ANKS3: variants seen among roughly 807,000 people sequenced by gnomAD.
ANKS3 encodes ankyrin repeat and SAM domain-containing protein 3.
A neutral mutation model predicts 80.7 loss-of-function variants in ANKS3; 62 were observed. The observed-to-expected ratio is 0.77, with a 90% CI of 0.63 to 0.95. The LOEUF (loss-of-function observed/expected upper bound fraction) is 0.95, where lower values mean the gene tolerates loss of function less well. ANKS3 is among the 40% of genes least tolerant of loss of function. ANKS3 has a pLI of 0.00. For synonymous variants in ANKS3, 489 were observed against 355.3 expected, an observed-to-expected ratio of 1.38 and a Z score of -4.23; for missense variants, 1,150 against 883.6, an observed-to-expected ratio of 1.30 and a Z score of -3.82.
chr16:4,733,614 C>G (rs1362101510), intron 1 of ANKS3, among the ~76,000 whole-genome samples: 1 of 152,102 alleles, frequency 6.6e-6, no homozygotes, highest in Non-Finnish European at 1.5e-5. Flanking sequence ...AAAAATAATT[C>G]AAAGAGTATA....
intron 6 of ANKS3, among the ~76,000 whole-genome samples, chr16:4,714,872 G>C (rs2080703329): frequency 6.6e-6 from 1 of 150,982 alleles, no homozygotes; most frequent in Non-Finnish European, 1.5e-5. Flanking sequence ...AACGCCTATA[G>C]TCTCAGCTAC....
At chr16:4,730,600 C>G (rs2081566222) in intron 2 of ANKS3, among the ~76,000 whole-genome samples, 1 of 152,184 alleles carries the variant, frequency 6.6e-6, no homozygotes, top group Admixed American at 6.5e-5. Flanking sequence ...GGTGCGGTGG[C>G]TCACACCTGT....
intron 6 of ANKS3, chr16:4,714,403 G>C: frequency 1.6e-6 from 1 of 636,120 alleles, no homozygotes; most frequent in Non-Finnish European, 2.6e-6. Flanking sequence ...GAGGAGGGCT[G>C]GGGGCTGGGG....
rs529836828 is a variant in ANKS3, at chr16:4,718,870, T to C, written c.574-4684A>G. 2.6e-5 allele frequency among the ~76,000 whole-genome samples: 4 copies of C among 152,316 alleles called. No individual in the cohort carries two copies. The South Asian group carries it at 8.3e-4, about 32-fold the overall frequency. ...CTGGGAAAGAGAACATTTTTGCTTT[T>C]AGGAAATACATAATGAAATTCTTAC... On this transcript the variant is annotated intron_variant, in intron 6 of 17. Transcript: ENST00000304283.
intron 6 of ANKS3, among the ~76,000 whole-genome samples, chr16:4,723,003 C>T (rs899373946): frequency 7.9e-5 from 12 of 152,096 alleles, no homozygotes; most frequent in Non-Finnish European, 1.5e-4. Context: ...ACAATTCACC[C>T]GCCAGATTGA....
At position 4,697,746 on chromosome 16, in the gene ANKS3, C is replaced by A. The variant is rs183869455; in HGVS notation, c.1810+231G>T. ...GCCAGCCAAGGCACAGGGCCTTTCT[C>A]GAGTACCTCCTACCCCTGGGGGATA... On this transcript the variant is annotated intron_variant, in intron 15 of 17. Transcript: ENST00000304283. Among the ~76,000 whole-genome samples the A allele has an allele frequency of 1.2e-4, 18 of 152,336 alleles. No homozygotes were observed. The East Asian group carries it at 3.5e-3, about 29-fold the overall frequency.
At position 4,733,935 on chromosome 16, in the gene ANKS3, C is replaced by T; in HGVS notation, c.-71+3G>A. 1 of 985,552 alleles carries T rather than the reference C, an allele frequency of 1.0e-6. No individual in the cohort carries two copies. Among genetic ancestry groups the T allele is most frequent in the Non-Finnish European group, 1.2e-6 (1 of 830,004 alleles). The allele number at this position is 985,552 out of a possible 1,614,324, so 61.1% of individuals were successfully genotyped here. A position where few individuals can be genotyped will look rare whatever the true frequency, so the allele number is the denominator to read the frequency against. On this transcript the variant is annotated splice_donor_region_variant and intron_variant, in intron 1 of 17. Transcript: ENST00000304283. ...GTCCCTGGCCGACAAACCCGTAACT[C>T]ACAGCAGTGACGCTTCCCGACGCCC...
intron 7 of ANKS3, among the ~76,000 whole-genome samples, chr16:4,708,861 C>CT: frequency 6.6e-6 from 1 of 151,824 alleles, no homozygotes; most frequent in Non-Finnish European, 1.5e-5. Context: ...ATCGCTTGAA[C>CT]CTGGGAGGCG....
intron 7 of ANKS3, among the ~76,000 whole-genome samples, chr16:4,706,409 G>C (rs933221892): frequency 8.6e-5 from 13 of 151,764 alleles, no homozygotes; most frequent in African/African-American, 2.9e-4. Flanking sequence ...TCTTGTTTTT[G>C]TATTTTTAGT....
chr16:4,696,772 TG>T lies in ANKS3; in HGVS notation c.*135del, dbSNP rs2079574414. Reference sequence around the variant, plus strand: ...CCCCGTCTTGCCTCTGTCTGCCGGCTGCTCCCGGGGCCTGATCCTCTGGCCC... The same window carrying T: ...CCCCGTCTTGCCTCTGTCTGCCGGCTCTCCCGGGGCCTGATCCTCTGGCCC... On this transcript the variant is annotated 3_prime_UTR_variant, in exon 18 of 18. Coordinates refer to ENST00000304283, the MANE Select transcript of ANKS3 (RefSeq NM_133450.4). 5 of 564,130 alleles carry T rather than the reference TG, an allele frequency of 8.9e-6. No homozygotes were observed. Among genetic ancestry groups the T allele is most frequent in the Admixed American group, 3.1e-5 (1 of 32,350 alleles). 34.9% of individuals were successfully genotyped at this position (564,130 alleles called of 1,614,324 possible).
chr16:4,724,567 C>T (rs184181441), intron 6 of ANKS3, among the ~76,000 whole-genome samples, 183 bp downstream of exon 6: 14 of 152,244 alleles, frequency 9.2e-5, no homozygotes, highest in Non-Finnish European at 1.9e-4. Flanking sequence ...TTCTACTCAC[C>T]ACTGTATCCT....
chr16:4,726,930 G>A (rs375715946), intron 4 of ANKS3, 49 bp downstream of exon 4: 1 of 1,610,924 alleles, frequency 6.2e-7, no homozygotes, highest in African/African-American at 1.3e-5. Context: ...CTGTCAGGGT[G>A]GCCACGGAGC....
At chr16:4,705,340 T>A in intron 7 of ANKS3, 87 bp from the exon 8 acceptor site, 1 of 1,496,274 alleles carries the variant, frequency 6.7e-7, no homozygotes, top group Non-Finnish European at 9.1e-7. Context: ...AAAGTGACTG[T>A]CGCCGGTTTT....
At chr16:4,715,278 A>G (rs1001206985) in intron 6 of ANKS3, among the ~76,000 whole-genome samples, 5 of 152,116 alleles carry the variant, frequency 3.3e-5, no homozygotes, top group African/African-American at 9.7e-5. Flanking sequence ...CACCTCTACA[A>G]GAAAAAAAAA....
At chr16:4,732,299 C>G (rs1213777978) in intron 1 of ANKS3, among the ~76,000 whole-genome samples, 1 of 152,154 alleles carries the variant, frequency 6.6e-6, no homozygotes. Context: ...AGGGTCAGTT[C>G]AGAGTCCCTT....
chr16:4,697,140 G>A (rs890611518), intron 16 of ANKS3, 36 bp from the exon 17 acceptor site: 5 of 1,603,680 alleles, frequency 3.1e-6, no homozygotes, highest in Middle Eastern at 3.3e-4. Context: ...TCCCGGCCAG[G>A]CTCAGGAGGG....
intron 10 of ANKS3, 60 bp downstream of exon 10, chr16:4,701,374 G>A (rs1193337648): frequency 1.6e-5 from 23 of 1,470,702 alleles, no homozygotes; most frequent in Non-Finnish European, 2.1e-5. Flanking sequence ...GTAACTGGGG[G>A]ATGTCAGGCA....
At position 4,734,012 on chromosome 16, in the gene ANKS3, C is replaced by T. The variant is rs2081814916; in HGVS notation, c.-145G>A. ...ACGGCGCACAGGGCATTACTGTGCCCCCACCACAACCACATAAAGAAAATG... is the reference window on the plus strand; with the variant it reads ...ACGGCGCACAGGGCATTACTGTGCCTCCACCACAACCACATAAAGAAAATG... On this transcript the variant is annotated 5_prime_UTR_variant, in exon 1 of 18. Coordinates refer to ENST00000304283, the MANE Select transcript of ANKS3 (RefSeq NM_133450.4). The T allele has an allele frequency of 1.0e-6, 1 of 985,320 alleles. No individual in the cohort carries two copies. Among genetic ancestry groups the T allele is most frequent in the African/African-American group, 1.7e-5 (1 of 57,250 alleles). 61.0% of individuals were successfully genotyped at this position (985,320 alleles called of 1,614,324 possible).
intron 16 of ANKS3, 56 bp from the exon 17 acceptor site, chr16:4,697,160 G>T: frequency 6.3e-7 from 1 of 1,586,664 alleles, no homozygotes; most frequent in Non-Finnish European, 8.6e-7. Flanking sequence ...GCTGGGTGGT[G>T]CTGCCCCGGG....
Sources: allele counts gnomAD v4.1 joint callset (sites outside exome capture counted in the v4.1 genomes callset), GRCh38; gene constraint gnomAD v4.1.1; transcripts MANE v1.5; gene names NCBI Gene and HGNC (gene_info 2026-07-23, HGNC 2026-07-21).